The following VRTN variants were observed in gnomAD, a reference collection of about 807,000 sequenced individuals.
VRTN encodes the protein vertebrae development associated.
In VRTN, 5 loss-of-function variants were observed where a neutral mutation model predicts 18.2. The observed-to-expected ratio is 0.27, with a 90% CI of 0.14 to 0.58. The LOEUF (loss-of-function observed/expected upper bound fraction) is 0.58. VRTN is among the 20% of genes least tolerant of loss of function. The probability of loss-of-function intolerance (pLI) is 0.91; values close to 1 mark genes in which losing one functional copy is unlikely to be tolerated. For synonymous variants in VRTN, 381 were observed against 393.7 expected, an observed-to-expected ratio of 0.97 and a Z score of 0.38; for missense variants, 741 against 939.4, an observed-to-expected ratio of 0.79 and a Z score of 2.76.
intron 1 of VRTN, among the ~76,000 whole-genome samples, chr14:74,349,255 C>A (rs574600115): frequency 1.5e-5 from 2 of 134,650 alleles, no homozygotes; most frequent in African/African-American, 5.7e-5. Flanking sequence ...ACCAGCCAAC[C>A]CTGGCAGCTG....
rs781084362 is a variant in VRTN, at chr14:74,357,108, G to A, written c.325G>A (p.Val109Met). Residue 109 changes from valine (V) to methionine (M), a missense_variant, in exon 2 of 2, where the codon GTG becomes ATG. Physicochemically the swap from Val to Met is conservative, Grantham distance 21 (BLOSUM62 1). This residue lies in a region of VRTN where 186 missense variants were observed against 288.3 expected (regional missense o/e 0.65). Transcript: ENST00000256362. The surrounding 1 kb of genome is among the most constrained non-coding windows in gnomAD (Gnocchi z 7.8). ...GLSLELRARTVVEMLLHRHYY... is the reference protein window; with the variant it reads ...GLSLELRARTMVEMLLHRHYY... The stretch of plus-strand genomic sequence containing the variant: ...CAGCCTGGAGCTGCGGGCCCGCACC[G>A]TGGTAGAGATGCTGCTGCACAGACA... The A allele has an allele frequency of 2.5e-6, 4 of 1,602,228 alleles. No individual in the cohort carries two copies. The highest frequency in any genetic ancestry group is 3.4e-6 in the Non-Finnish European group (4 of 1,176,430).
chr14:74,342,495 ATATGTG>A (rs1240948268), intron 2 of VRTN, among the ~76,000 whole-genome samples: 7 of 150,570 alleles, frequency 4.6e-5, no homozygotes, highest in African/African-American at 1.7e-4. Context: ...GTGAATGTAT[ATATGTG>A]TATGTGTGTG....
At chr14:74,346,118 T>C (rs1020394670), upstream of VRTN, among the ~76,000 whole-genome samples, 17 of 151,066 alleles carry the variant, frequency 1.1e-4, no homozygotes, top group Middle Eastern at 3.4e-3. Context: ...CTGGGCAACA[T>C]AGGGAGACCC....
Position 74,358,038 on chromosome 14 carries a change from G to A in VRTN, c.1255G>A (p.Val419Ile). Residue 419 changes from valine to isoleucine, a missense_variant, in exon 2 of 2, where the codon GTA becomes ATA. Val to Ile is a conservative substitution (Grantham distance 29). Coordinates refer to ENST00000256362, the MANE Select transcript of VRTN (RefSeq NM_018228.3). This position sits in a 1 kb window ranked among gnomAD's most constrained non-coding sequence, Gnocchi z 5.4. Reference sequence around the variant, plus strand: ...GCATTGCATCTCCCTGAACACACTGGTACCCTATCGCTGCTTCAAACGCAG... The same window carrying A: ...GCATTGCATCTCCCTGAACACACTGATACCCTATCGCTGCTTCAAACGCAG... ...LEHCISLNTLVPYRCFKRRFP... is the reference protein window; with the variant it reads ...LEHCISLNTLIPYRCFKRRFP... 6.2e-7 allele frequency: 1 copy of A among 1,614,240 alleles called. No homozygotes were observed. The highest frequency in any genetic ancestry group is 8.5e-7 in the Non-Finnish European group (1 of 1,180,032).
At chr14:74,317,735 G>A (rs1312579880) in intron 1 of VRTN, among the ~76,000 whole-genome samples, 1 of 152,118 alleles carries the variant, frequency 6.6e-6, no homozygotes, top group Admixed American at 6.6e-5. Context: ...TTGGGAGGTG[G>A]AGGTGGCAGT....
At chr14:74,342,893 A>G (rs892216187) in intron 2 of VRTN, among the ~76,000 whole-genome samples, 1 of 152,160 alleles carries the variant, frequency 6.6e-6, no homozygotes, top group African/African-American at 2.4e-5. Flanking sequence ...CTAGGATTAC[A>G]GGTGTGAGCC....
intron 1 of VRTN, among the ~76,000 whole-genome samples, chr14:74,337,246 G>A (rs1046727889): frequency 6.6e-6 from 1 of 152,076 alleles, no homozygotes; most frequent in African/African-American, 2.4e-5. Context: ...GGGAAGCTGA[G>A]GCAGGAGAAT....
intron 1 of VRTN, among the ~76,000 whole-genome samples, chr14:74,314,025 G>T (rs966650647): frequency 1.3e-5 from 2 of 152,196 alleles, no homozygotes; most frequent in Admixed American, 1.3e-4. Flanking sequence ...TATTGAAGGG[G>T]TGGAAAGGTA....
chr14:74,306,339 A>C (rs1437484582), intron 1 of VRTN, among the ~76,000 whole-genome samples: 1 of 150,938 alleles, frequency 6.6e-6, no homozygotes, highest in Non-Finnish European at 1.5e-5. Context: ...CTAATTAAAA[A>C]AAATTTTTTT....
chr14:74,337,540 G>A (rs928148135), intron 1 of VRTN, among the ~76,000 whole-genome samples: 3 of 152,030 alleles, frequency 2.0e-5, no homozygotes, highest in African/African-American at 7.2e-5. Flanking sequence ...TTGGCCTTGT[G>A]GTCTTGTTTC....
At chr14:74,333,311 A>G (rs2085541367) in intron 1 of VRTN, among the ~76,000 whole-genome samples, 1 of 151,928 alleles carries the variant, frequency 6.6e-6, no homozygotes, top group African/African-American at 2.4e-5. Context: ...TGAACCCAGA[A>G]GGCGGAGGTT....
rs570790721 is a variant in VRTN at position 74,330,066 on chromosome 14, G to T, written c.-163-7657G>T. Among the ~76,000 whole-genome samples, 720 of 151,326 alleles carry T rather than the reference G, an allele frequency of 4.8e-3. 3 individuals carry two copies. Among genetic ancestry groups the T allele is most frequent in the African/African-American group, 0.017 (686 of 41,228 alleles). ...TTTTTGTATTTTTTAGTAGAGACGG[G>T]GTTTCGCTATGTTGGCCAAACTAGT... is the stretch of plus-strand genomic sequence containing the variant. On this transcript the variant is annotated intron_variant, in intron 1 of 2. Coordinates refer to the VRTN transcript ENST00000557177.
At chr14:74,349,878 A>AC (rs764330880) in intron 1 of VRTN, among the ~76,000 whole-genome samples, 1 of 151,828 alleles carries the variant, frequency 6.6e-6, no homozygotes, top group Non-Finnish European at 1.5e-5. Context: ...TCCTGCCTTT[A>AC]CCCCCGCCCT....
At chr14:74,323,110 G>T (rs753226179) in intron 1 of VRTN, among the ~76,000 whole-genome samples, 2 of 151,974 alleles carry the variant, frequency 1.3e-5, no homozygotes, top group Non-Finnish European at 2.9e-5. Flanking sequence ...TCCAGCTTGG[G>T]TGACAAAGTG....
chr14:74,351,778 G>A (rs1406305271), intron 1 of VRTN, among the ~76,000 whole-genome samples: 1 of 151,790 alleles, frequency 6.6e-6, no homozygotes, highest in African/African-American at 2.4e-5. Context: ...ACTGCACTTG[G>A]GCTGATTACC....
At chr14:74,336,507 C>T (rs185393541) in intron 1 of VRTN, among the ~76,000 whole-genome samples, 53 of 152,106 alleles carry the variant, frequency 3.5e-4, no homozygotes, top group Middle Eastern at 6.8e-3. Flanking sequence ...TCCCTAAACA[C>T]GTGTATATAT....
chr14:74,309,865 G>T (rs542276572), intron 1 of VRTN, among the ~76,000 whole-genome samples: 1 of 151,984 alleles, frequency 6.6e-6, no homozygotes, highest in East Asian at 1.9e-4. Context: ...TTTAAAAAAG[G>T]AAAATAATTT....
intron 2 of VRTN, among the ~76,000 whole-genome samples, chr14:74,341,017 C>G (rs1049921927): frequency 2.0e-5 from 3 of 152,172 alleles, no homozygotes; most frequent in Non-Finnish European, 4.4e-5. Context: ...GCTGGGATTA[C>G]AGGTGTGAGC....
intron 2 of VRTN, among the ~76,000 whole-genome samples, chr14:74,340,261 T>G (rs8019129): frequency 8.5e-5 from 13 of 152,074 alleles, no homozygotes; most frequent in African/African-American, 2.4e-4. Flanking sequence ...TATAGGCATG[T>G]GCCACCACGC....
Sources: allele counts gnomAD v4.1 joint callset (sites outside exome capture counted in the v4.1 genomes callset), GRCh38; gene constraint gnomAD v4.1.1; regional missense constraint gnomAD v4.1.1; non-coding constraint Gnocchi (gnomAD v3.1); transcripts MANE v1.5; gene names NCBI Gene and HGNC (gene_info 2026-07-23, HGNC 2026-07-21).